SEMA5A: variants seen among roughly 807,000 people sequenced by gnomAD.
SEMA5A encodes the protein semaphorin 5A.
Under a neutral mutation model 135.5 loss-of-function variants are expected in SEMA5A, and 55 were observed. The ratio of observed to expected loss-of-function variants is 0.41; its 90% CI spans 0.33 to 0.51. SEMA5A has a LOEUF of 0.51. Ranked by LOEUF, SEMA5A falls within the 20% of genes least tolerant of loss-of-function variation. The probability of loss-of-function intolerance (pLI) is 0.37; values close to 1 mark genes in which losing one functional copy is unlikely to be tolerated. For missense variants in SEMA5A, 1,290 were observed against 1,419.9 expected, an observed-to-expected ratio of 0.91 and a Z score of 1.47; for synonymous variants, 580 against 546.5, an observed-to-expected ratio of 1.06 and a Z score of -0.85.
At chr5:9,384,765 T>A (rs1331035341) in intron 2 of SEMA5A, among the ~76,000 whole-genome samples, 1 of 152,064 alleles carries the variant, frequency 6.6e-6, no homozygotes, top group African/African-American at 2.4e-5. Context: ...CATCTGCATA[T>A]GCATACATAC....
chr5:9,136,667 T>A, intron 12 of SEMA5A, 46 bp from the exon 13 acceptor site: 1 of 1,509,492 alleles, frequency 6.6e-7, no homozygotes, highest in Admixed American at 1.7e-5. Context: ...GCTTTACCCA[T>A]GATAAGATAC....
At chr5:9,446,839 CT>C (rs1238228780) in intron 1 of SEMA5A, among the ~76,000 whole-genome samples, 1 of 152,172 alleles carries the variant, frequency 6.6e-6, no homozygotes, top group African/African-American at 2.4e-5. Context: ...TTAACTATCT[CT>C]GTTAAAACAT....
intron 3 of SEMA5A, among the ~76,000 whole-genome samples, chr5:9,373,007 G>C (rs921542452): frequency 3.3e-5 from 5 of 152,168 alleles, no homozygotes; most frequent in Admixed American, 6.5e-5. Context: ...CCAGAAAACA[G>C]GCAAGAAGGG....
intron 12 of SEMA5A, among the ~76,000 whole-genome samples, chr5:9,140,716 C>T (rs1742021390): frequency 6.6e-6 from 1 of 152,174 alleles, no homozygotes; most frequent in African/African-American, 2.4e-5. Context: ...TATGGGAATT[C>T]TCTGTGTATG....
At chr5:9,424,425 T>C (rs935718132) in intron 2 of SEMA5A, among the ~76,000 whole-genome samples, 1 of 152,180 alleles carries the variant, frequency 6.6e-6, no homozygotes. Flanking sequence ...TTGCAACAGA[T>C]GCCAATACCT....
At chr5:9,160,172 A>G (rs1184732855) in intron 11 of SEMA5A, among the ~76,000 whole-genome samples, 2 of 152,124 alleles carry the variant, frequency 1.3e-5, no homozygotes, top group Non-Finnish European at 2.9e-5. Context: ...CTGTTTTGCT[A>G]TTGTTGTTGT....
chr5:9,219,848 G>T (rs1005866394), intron 8 of SEMA5A, among the ~76,000 whole-genome samples: 4 of 152,218 alleles, frequency 2.6e-5, no homozygotes, highest in African/African-American at 9.6e-5. Context: ...TGAGCTGAAA[G>T]TACTGCAAGG....
chr5:9,423,376 T>C (rs1208735304), intron 2 of SEMA5A, among the ~76,000 whole-genome samples: 1 of 152,234 alleles, frequency 6.6e-6, no homozygotes, highest in Non-Finnish European at 1.5e-5. Flanking sequence ...CCTGAGCTCA[T>C]CTATTTTGAC....
intron 6 of SEMA5A, among the ~76,000 whole-genome samples, chr5:9,237,427 A>C (rs1454111830): frequency 6.6e-6 from 1 of 152,248 alleles, no homozygotes; most frequent in Non-Finnish European, 1.5e-5. Flanking sequence ...AGAATCTATC[A>C]CAAATAATAT....
At chr5:9,180,074 G>C (rs541352442) in intron 11 of SEMA5A, among the ~76,000 whole-genome samples, 11 of 152,132 alleles carry the variant, frequency 7.2e-5, no homozygotes, top group African/African-American at 1.7e-4. Context: ...ATCTCTGCCC[G>C]TGTTATCACA....
chr5:9,537,942 C>G (rs1397413184), intron 1 of SEMA5A, among the ~76,000 whole-genome samples: 1 of 152,142 alleles, frequency 6.6e-6, no homozygotes, highest in Non-Finnish European at 1.5e-5. Context: ...CCACCTGTGC[C>G]AAAGTAAACA....
intron 1 of SEMA5A, among the ~76,000 whole-genome samples, chr5:9,461,255 G>T (rs1233266329): frequency 2.6e-5 from 4 of 152,188 alleles, no homozygotes; most frequent in African/African-American, 7.2e-5. Flanking sequence ...TTCAGATTTG[G>T]TTTTGTTCTC....
At chr5:9,342,006 T>A (rs1346338942) in intron 3 of SEMA5A, among the ~76,000 whole-genome samples, 3 of 151,966 alleles carry the variant, frequency 2.0e-5, no homozygotes, top group Non-Finnish European at 4.4e-5. Flanking sequence ...CAAGTCAGTA[T>A]TAATAATTTG....
chr5:9,527,080 G>T (rs1390057684), intron 1 of SEMA5A, among the ~76,000 whole-genome samples: 1 of 152,002 alleles, frequency 6.6e-6, no homozygotes, highest in Non-Finnish European at 1.5e-5. Context: ...GGAAACACAA[G>T]GGATAGTGCA....
chr5:9,293,892 T>C (rs765611633), intron 5 of SEMA5A, among the ~76,000 whole-genome samples: 3 of 152,214 alleles, frequency 2.0e-5, no homozygotes, highest in Admixed American at 6.5e-5. Flanking sequence ...CCACATTAGC[T>C]GTAAACTAAC....
chr5:9,385,416 A>G (rs1231456913), intron 2 of SEMA5A, among the ~76,000 whole-genome samples: 1 of 152,348 alleles, frequency 6.6e-6, no homozygotes, highest in Admixed American at 6.5e-5. Flanking sequence ...CAGATCCAAC[A>G]TAAGCTTAAT....
At chr5:9,097,777 T>C (rs1720590516) in intron 16 of SEMA5A, among the ~76,000 whole-genome samples, 2 of 152,118 alleles carry the variant, frequency 1.3e-5, no homozygotes, top group South Asian at 4.1e-4. Context: ...AACAAGGTGA[T>C]GGACTGAAAT....
At chr5:9,295,457 C>T (rs1466832520) in intron 5 of SEMA5A, among the ~76,000 whole-genome samples, 1 of 152,050 alleles carries the variant, frequency 6.6e-6, no homozygotes, top group Non-Finnish European at 1.5e-5. Context: ...ATAATTCACA[C>T]TGAATGTTTG....
chr5:9,400,500 C>CTTTTTT (rs1176889691), intron 2 of SEMA5A, among the ~76,000 whole-genome samples: 3 of 85,402 alleles, frequency 3.5e-5, no homozygotes, highest in Admixed American at 1.4e-4. Flanking sequence ...ACACAATGTA[C>CTTTTTT]ATTTTTTTTT....
Sources: allele counts gnomAD v4.1 joint callset (sites outside exome capture counted in the v4.1 genomes callset), GRCh38; gene constraint gnomAD v4.1.1; transcripts MANE v1.5; gene names NCBI Gene and HGNC (gene_info 2026-07-23, HGNC 2026-07-21).